The following EXD3 variants were observed in gnomAD, a reference collection of about 807,000 sequenced individuals.
EXD3 encodes exonuclease 3'-5' domain containing 3, also known as exonuclease mut-7 homolog.
Under a neutral mutation model 98.0 loss-of-function variants are expected in EXD3, and 92 were observed. The observed-to-expected ratio is 0.94, with a 90% CI of 0.79 to 1.12. EXD3 has a LOEUF of 1.12. Ranked by LOEUF, EXD3 falls within the 50% of genes most tolerant of loss-of-function variation. The probability of loss-of-function intolerance (pLI) is 0.00; values close to 1 mark genes in which losing one functional copy is unlikely to be tolerated. For synonymous variants in EXD3, 569 were observed against 526.0 expected, an observed-to-expected ratio of 1.08 and a Z score of -1.12; for missense variants, 1,222 against 1,191.6, an observed-to-expected ratio of 1.03 and a Z score of -0.38.
At chr9:137,379,463 C>T (rs1375282055) in intron 3 of EXD3, among the ~76,000 whole-genome samples, 1 of 103,216 alleles carries the variant, frequency 9.7e-6, no homozygotes, top group African/African-American at 4.5e-5. Context: ...AATGGGGCGT[C>T]TGTGTGAGGG....
At chr9:137,420,836 A>C (rs921576375) in intron 1 of EXD3, among the ~76,000 whole-genome samples, 1 of 148,092 alleles carries the variant, frequency 6.8e-6, no homozygotes, top group African/African-American at 2.5e-5. Flanking sequence ...TTGTTTAGAG[A>C]CAGGGTCTCG....
intron 4 of EXD3, 77 bp downstream of exon 4, chr9:137,373,349 C>G (rs1835735477): frequency 1.3e-5 from 20 of 1,512,080 alleles, no homozygotes; most frequent in Non-Finnish European, 1.8e-5. Flanking sequence ...AAGGCCTGGG[C>G]AGGTGGATGC....
intron 19 of EXD3, among the ~76,000 whole-genome samples, chr9:137,320,079 GC>G (rs1831947783): frequency 6.6e-6 from 1 of 152,222 alleles, no homozygotes; most frequent in Non-Finnish European, 1.5e-5. Flanking sequence ...CTGCTCCCAG[GC>G]CGGGGCGGGC....
In EXD3 at chr9:137,372,933, C is replaced by T. The variant is rs769774272; in HGVS notation, c.434G>A (p.Arg145His). 3.2e-5 allele frequency: 52 copies of T among 1,600,310 alleles called. No individual in the cohort carries two copies. The highest frequency in any genetic ancestry group is 3.9e-5 in the Non-Finnish European group (46 of 1,179,700). Residue 145 changes from arginine to histidine, a missense_variant, in exon 5 of 22, where the codon CGC becomes CAC. Transcript: ENST00000340951. ...DRSCLLAHVH[R>H]LHHEGRFREA... ...TCTGAACCTGCCCTCGTGGTGGAGG[C>T]GGTGGACGTGTGCCAGCAGGCAGCT...
chr9:137,316,657 G>C (rs1458139432), intron 19 of EXD3, among the ~76,000 whole-genome samples: 1 of 152,218 alleles, frequency 6.6e-6, no homozygotes, highest in African/African-American at 2.4e-5. Flanking sequence ...GCTGGGGCCT[G>C]GCAGGCCAGG....
chr9:137,395,288 C>T lies in EXD3; in HGVS notation c.55+15G>A. On this transcript the variant is annotated intron_variant, in intron 2 of 21. Coordinates refer to ENST00000340951, the MANE Select transcript of EXD3 (RefSeq NM_017820.5). This position sits in a 1 kb window ranked among gnomAD's most constrained non-coding sequence, Gnocchi z 6.5. ...CAGCCCCAGGGAGACTCGGCACCAT[C>T]AGGCTCAGACTCACCCATGCGGTGG... 2.5e-6 allele frequency: 4 copies of T among 1,611,048 alleles called. No homozygotes were observed. The highest frequency in any genetic ancestry group is 3.4e-6 in the Non-Finnish European group (4 of 1,177,606).
At chr9:137,308,617 C>CTGAACT (rs1831183485) in intron 20 of EXD3, among the ~76,000 whole-genome samples, 1 of 151,622 alleles carries the variant, frequency 6.6e-6, no homozygotes, top group African/African-American at 2.4e-5. Flanking sequence ...TCCTCCCACC[C>CTGAACT]TGAACTTGGA....
intron 17 of EXD3, among the ~76,000 whole-genome samples, chr9:137,343,749 C>G (rs146245782): frequency 6.7e-6 from 1 of 148,168 alleles, no homozygotes; most frequent in Non-Finnish European, 1.5e-5. Context: ...CCACCATGCC[C>G]GGCTACTTTT....
chr9:137,401,346 G>A (rs2131793410), intron 1 of EXD3, among the ~76,000 whole-genome samples: 1 of 152,034 alleles, frequency 6.6e-6, no homozygotes, highest in Admixed American at 6.6e-5. Flanking sequence ...TAGTAGAGAC[G>A]GGGTTTCACC....
chr9:137,320,072 C>T (rs1308868212), intron 19 of EXD3, among the ~76,000 whole-genome samples: 1 of 152,232 alleles, frequency 6.6e-6, no homozygotes, highest in African/African-American at 2.4e-5. Context: ...ATGTGCTCTG[C>T]TCCCAGGCCG....
Position 137,395,528 on chromosome 9 carries a change from C to T in EXD3, c.-47-124G>A. The T allele has an allele frequency of 1.2e-6, 1 of 860,598 alleles. No individual in the cohort carries two copies. The highest frequency in any genetic ancestry group is 1.8e-6 in the Non-Finnish European group (1 of 559,094). 53.3% of individuals were successfully genotyped at this position (860,598 alleles called of 1,614,324 possible). On this transcript the variant is annotated intron_variant, in intron 1 of 21. Transcript: ENST00000340951. This position sits in a 1 kb window ranked among gnomAD's most constrained non-coding sequence, Gnocchi z 6.5. ...TGCCTGGGGGGGCCCAAGTGGGACC[C>T]CCAGTCGCTGAGCATAGCGGGCAGC...
intron 2 of EXD3, among the ~76,000 whole-genome samples, chr9:137,391,129 C>G (rs972948015): frequency 7.2e-5 from 11 of 152,172 alleles, no homozygotes; most frequent in Non-Finnish European, 1.3e-4. Context: ...CGCCGCCCTT[C>G]CTCAGGTGTC....
intron 11 of EXD3, 68 bp downstream of exon 11, chr9:137,352,552 C>T (rs1588325630): frequency 5.0e-6 from 7 of 1,398,824 alleles, no homozygotes; most frequent in South Asian, 2.9e-5. Context: ...GGTGAGCTGT[C>T]GTCCCAAGGG....
intron 2 of EXD3, among the ~76,000 whole-genome samples, chr9:137,386,526 C>A (rs1234674202): frequency 6.6e-6 from 1 of 152,054 alleles, no homozygotes; most frequent in Admixed American, 6.5e-5. Context: ...CCTGCCTTGA[C>A]GCTGTGCCCT....
rs977371467 is a variant in EXD3, at chr9:137,403,567, C to T, written c.-47-8163G>A. Among the ~76,000 whole-genome samples the T allele has an allele frequency of 1.4e-5, 2 of 140,742 alleles. No individual in the cohort carries two copies. Among genetic ancestry groups the T allele is most frequent in the Non-Finnish European group, 3.1e-5 (2 of 63,824 alleles). The allele number at this position is 140,742 out of a possible 152,430, so 92.3% of individuals were successfully genotyped here. The stretch of plus-strand genomic sequence containing the variant: ...CCCAGGAAACCTGGGCCTCCATTCC[C>T]GAGCCCCCCAGTTTTCGCCTCTCTC... On this transcript the variant is annotated intron_variant, in intron 1 of 21. Coordinates refer to ENST00000340951, the MANE Select transcript of EXD3 (RefSeq NM_017820.5). This position sits in a 1 kb window ranked among gnomAD's most constrained non-coding sequence, Gnocchi z 6.1.
At chr9:137,355,471 AG>A (rs1365432181) in intron 8 of EXD3, among the ~76,000 whole-genome samples, 37 of 110,322 alleles carry the variant, frequency 3.4e-4, no homozygotes, top group Non-Finnish European at 5.5e-4. Flanking sequence ...GAAAGGAGGA[AG>A]GAGGAAGGAG....
chr9:137,352,862 T>G lies in EXD3; in HGVS notation c.871-76A>C, dbSNP rs927685961. ...AGGGCCCTGCCCCGAGGGACCCCCGTAGACCCCGACCTTGCAGACTGGCTA... is the reference window on the plus strand; with the variant it reads ...AGGGCCCTGCCCCGAGGGACCCCCGGAGACCCCGACCTTGCAGACTGGCTA... On this transcript the variant is annotated intron_variant, in intron 10 of 21. Coordinates refer to ENST00000340951, the MANE Select transcript of EXD3 (RefSeq NM_017820.5). 3 of 1,500,150 alleles carry G rather than the reference T, an allele frequency of 2.0e-6. No individual in the cohort carries two copies. The Admixed American group carries it at 7.5e-5, about 37-fold the overall frequency. The allele number at this position is 1,500,150 out of a possible 1,614,324, so 92.9% of individuals were successfully genotyped here.
At chr9:137,307,737 C>T in intron 20 of EXD3, 91 bp from the exon 21 acceptor site, 3 of 1,457,406 alleles carry the variant, frequency 2.1e-6, no homozygotes, top group East Asian at 2.3e-5. Flanking sequence ...TGCGGCTGAG[C>T]ACAGTCACCT....
chr9:137,381,942 CGAGGAGGAG>C (rs1836296249), intron 3 of EXD3, among the ~76,000 whole-genome samples: 1 of 151,130 alleles, frequency 6.6e-6, no homozygotes, highest in African/African-American at 2.4e-5. Context: ...GGTGAGAGCA[CGAGGAGGAG>C]GTGAGGGCGC....
Sources: allele counts gnomAD v4.1 joint callset (sites outside exome capture counted in the v4.1 genomes callset), GRCh38; gene constraint gnomAD v4.1.1; non-coding constraint Gnocchi (gnomAD v3.1); transcripts MANE v1.5; gene names NCBI Gene and HGNC (gene_info 2026-07-23, HGNC 2026-07-21).